Variants in DSCAML1 observed in about 807,000 individuals in gnomAD.
DSCAML1 encodes cell adhesion molecule DSCAML1.
Under a neutral mutation model 200.5 loss-of-function variants are expected in DSCAML1, and 38 were observed. The observed-to-expected ratio is 0.19, with a 90% CI of 0.15 to 0.25. The LOEUF is 0.25. DSCAML1 is among the 10% of genes least tolerant of loss of function. DSCAML1 has a pLI of 1.00. For missense variants in DSCAML1, 2,223 were observed against 2,858.8 expected, an observed-to-expected ratio of 0.78 and a Z score of 5.07; for synonymous variants, 1,215 against 1,165.0, an observed-to-expected ratio of 1.04 and a Z score of -0.87.
upstream of DSCAML1, chr11:117,802,124 GTGTCACTCACAAA>G (rs1286251983): frequency 1.5e-4 from 23 of 152,372 alleles, no homozygotes; most frequent in African/African-American, 5.3e-4. Context: ...TCTGGCCCAT[GTGTCACTCACAAA>G]TGTGCTTATC....
chr11:117,614,651 A>C (rs1445426019), intron 3 of DSCAML1, among the ~76,000 whole-genome samples: 1 of 152,200 alleles, frequency 6.6e-6, no homozygotes, highest in East Asian at 1.9e-4. Flanking sequence ...ACCAAGGCTT[A>C]ATGTGGTTAA....
Position 117,642,689 on chromosome 11 carries a change from G to A in DSCAML1, c.512-110167C>T, listed in dbSNP as rs905151868. 6.6e-6 allele frequency among the ~76,000 whole-genome samples: 1 copy of A among 152,192 alleles called. No individual in the cohort carries two copies. Among genetic ancestry groups the A allele is most frequent in the Admixed American group, 6.5e-5 (1 of 15,282 alleles). On this transcript the variant is annotated intron_variant, in intron 3 of 32. Transcript: ENST00000651296. This position sits in a 1 kb window ranked among gnomAD's most constrained non-coding sequence, Gnocchi z 4.1. Reference sequence around the variant, plus strand: ...GATCTGTGGCTCCTGGCTGCTTCTTGGGCCAGTGGATTGTCACGATCCTGG... The same window carrying A: ...GATCTGTGGCTCCTGGCTGCTTCTTAGGCCAGTGGATTGTCACGATCCTGG...
intron 3 of DSCAML1, among the ~76,000 whole-genome samples, chr11:117,616,328 G>A (rs1402481953): frequency 6.6e-6 from 1 of 152,178 alleles, no homozygotes; most frequent in Non-Finnish European, 1.5e-5. Context: ...GATTAGGAGG[G>A]TAGCCATAGT....
intron 5 of DSCAML1, 43 bp downstream of exon 5, chr11:117,524,762 C>G (rs747768452): frequency 1.0e-5 from 16 of 1,545,536 alleles, no homozygotes; most frequent in Middle Eastern, 1.7e-4. Flanking sequence ...CTGAGGCGCC[C>G]TCAGAGGTTA....
intron 8 of DSCAML1, among the ~76,000 whole-genome samples, chr11:117,510,597 T>G (rs755252224): frequency 1.3e-5 from 2 of 152,146 alleles, no homozygotes; most frequent in Admixed American, 6.5e-5. Flanking sequence ...CTCTCCTGTT[T>G]GACAGGAGAC....
At chr11:117,662,482 G>C (rs2052875869) in intron 3 of DSCAML1, among the ~76,000 whole-genome samples, 1 of 152,248 alleles carries the variant, frequency 6.6e-6, no homozygotes, top group African/African-American at 2.4e-5. Flanking sequence ...AGAGTCGTGA[G>C]TTCACGGATG....
intron 1 of DSCAML1, among the ~76,000 whole-genome samples, chr11:117,792,095 G>A (rs1304856300): frequency 6.6e-6 from 1 of 152,126 alleles, no homozygotes; most frequent in Non-Finnish European, 1.5e-5. Context: ...ATTGGATAAT[G>A]AATAAAAGCT....
chr11:117,654,841 C>T (rs568500149), intron 3 of DSCAML1, among the ~76,000 whole-genome samples: 10 of 152,104 alleles, frequency 6.6e-5, no homozygotes, highest in East Asian at 1.9e-4. Context: ...GTGGAGGAAA[C>T]GGCGGGTAGG....
At chr11:117,455,781 G>A (rs1375726285) in intron 19 of DSCAML1, among the ~76,000 whole-genome samples, 1 of 152,184 alleles carries the variant, frequency 6.6e-6, no homozygotes, top group Non-Finnish European at 1.5e-5. Flanking sequence ...TGCTTTCCAT[G>A]CCAACTGAGT....
chr11:117,443,466 T>C (rs538737503), intron 21 of DSCAML1, among the ~76,000 whole-genome samples: 157 of 152,370 alleles, frequency 1.0e-3, no homozygotes, highest in African/African-American at 3.7e-3. Flanking sequence ...CCCTGCCCGG[T>C]GTCCAGTTCA....
In DSCAML1 at chr11:117,481,724, G is replaced by A. The variant is rs557694349; in HGVS notation, c.2559+239C>T. 2.6e-5 allele frequency among the ~76,000 whole-genome samples: 4 copies of A among 152,202 alleles called. 1 individual carries two copies. In the South Asian group the frequency reaches 8.3e-4, roughly 32 times the overall value. On this transcript the variant is annotated intron_variant, in intron 12 of 32. Transcript: ENST00000651296. ...CCCTGGGGGTTCCAGAAAAGAAGGT[G>A]GGACTGAAGAAACCACATTTGATTG...
chr11:117,802,156 T>C (rs543132815), upstream of DSCAML1: 3 of 152,384 alleles, frequency 2.0e-5, no homozygotes, highest in South Asian at 4.1e-4. Context: ...TCAAATTTTA[T>C]GAAAGTGTCT....
intron 21 of DSCAML1, among the ~76,000 whole-genome samples, chr11:117,442,223 A>AGT (rs72384866): frequency 2.0e-5 from 3 of 148,692 alleles, no homozygotes; most frequent in Admixed American, 2.0e-4. Flanking sequence ...TAGTGTGTCT[A>AGT]GTGTGTGTGT....
At chr11:117,581,393 C>T (rs904481775) in intron 3 of DSCAML1, among the ~76,000 whole-genome samples, 5 of 152,184 alleles carry the variant, frequency 3.3e-5, no homozygotes, top group African/African-American at 9.7e-5. Context: ...ATACCACCAC[C>T]GCAATCAAGA....
chr11:117,661,408 G>A (rs1389606038), intron 3 of DSCAML1, among the ~76,000 whole-genome samples: 1 of 152,202 alleles, frequency 6.6e-6, no homozygotes, highest in Non-Finnish European at 1.5e-5. Flanking sequence ...AATACACAGT[G>A]TACCGTTACT....
chr11:117,551,650 T>C (rs1017749408), intron 3 of DSCAML1, among the ~76,000 whole-genome samples: 2 of 152,072 alleles, frequency 1.3e-5, no homozygotes, highest in African/African-American at 4.8e-5. Flanking sequence ...GCCTATAAGA[T>C]AGAGGTAGTT....
At chr11:117,693,171 C>T (rs2053528994) in intron 3 of DSCAML1, among the ~76,000 whole-genome samples, 1 of 152,190 alleles carries the variant, frequency 6.6e-6, no homozygotes, top group South Asian at 2.1e-4. Context: ...AGCCAAGACA[C>T]CCTAAGATCC....
chr11:117,437,014 G>C lies in DSCAML1; in HGVS notation c.4720+108C>G. ...CAGCATTTCCCCCACCTGCATTCCT[G>C]CCTGTTTTTCTATTAGTCTGTCTCT... On this transcript the variant is annotated intron_variant, in intron 26 of 32. Transcript: ENST00000651296. This position sits in a 1 kb window ranked among gnomAD's most constrained non-coding sequence, Gnocchi z 5.3. The C allele has an allele frequency of 7.0e-7, 1 of 1,425,412 alleles. No homozygotes were observed. Among genetic ancestry groups the C allele is most frequent in the Non-Finnish European group, 9.4e-7 (1 of 1,064,712 alleles). The allele number at this position is 1,425,412 out of a possible 1,614,324, so 88.3% of individuals were successfully genotyped here. A position where few individuals can be genotyped will look rare whatever the true frequency, so the allele number is the denominator to read the frequency against.
chr11:117,754,958 A>G (rs537634005), intron 3 of DSCAML1, among the ~76,000 whole-genome samples: 32 of 152,154 alleles, frequency 2.1e-4, no homozygotes, highest in African/African-American at 6.3e-4. Flanking sequence ...ATCCCTCCCA[A>G]TCCATGGGGA....
Sources: allele counts gnomAD v4.1 joint callset (sites outside exome capture counted in the v4.1 genomes callset), GRCh38; gene constraint gnomAD v4.1.1; non-coding constraint Gnocchi (gnomAD v3.1); transcripts MANE v1.5; gene names NCBI Gene and HGNC (gene_info 2026-07-23, HGNC 2026-07-21).